The following PPARGC1A variants were observed in gnomAD, a reference collection of about 807,000 sequenced individuals.
The protein encoded by PPARGC1A is peroxisome proliferator-activated receptor gamma coactivator 1-alpha.
A neutral mutation model predicts 88.7 loss-of-function variants in PPARGC1A; 25 were observed. The ratio of observed to expected loss-of-function variants is 0.28; its 90% confidence interval spans 0.21 to 0.39. PPARGC1A has a LOEUF of 0.39. Among genes scored for constraint, PPARGC1A ranks in the 10% least tolerant of loss-of-function variants. The pLI, the probability that PPARGC1A is intolerant of heterozygous loss-of-function variation, is 1.00. For missense variants in PPARGC1A, 880 were observed against 968.7 expected, an observed-to-expected ratio of 0.91 and a Z score of 1.22; for synonymous variants, 363 against 355.6, an observed-to-expected ratio of 1.02 and a Z score of -0.24.
chr4:24,350,001 T>C, the PPARGC1A span, among the ~76,000 whole-genome samples: 2 of 152,150 alleles, frequency 1.3e-5, no homozygotes, highest in South Asian at 4.1e-4. Context: ...TACCCCTGTA[T>C]TTTGCTCAGC....
At chr4:24,155,196 G>A in the PPARGC1A span, among the ~76,000 whole-genome samples, 1 of 151,394 alleles carries the variant, frequency 6.6e-6, no homozygotes, top group South Asian at 2.1e-4. Context: ...ATATGATAAT[G>A]TATTTTAAAT....
the PPARGC1A span, among the ~76,000 whole-genome samples, chr4:24,196,939 A>G: frequency 6.6e-6 from 1 of 152,328 alleles, no homozygotes; most frequent in East Asian, 1.9e-4. Context: ...GGAGTCAATG[A>G]ACTATAAGCA....
At chr4:24,000,606 T>A in the PPARGC1A span, among the ~76,000 whole-genome samples, 3 of 152,138 alleles carry the variant, frequency 2.0e-5, no homozygotes, top group Non-Finnish European at 4.4e-5. Context: ...GTGACAGAAA[T>A]AAATCACTGT....
At chr4:23,985,655 G>A in the PPARGC1A span, among the ~76,000 whole-genome samples, 4 of 151,826 alleles carry the variant, frequency 2.6e-5, no homozygotes, top group East Asian at 7.7e-4. Flanking sequence ...ATTTGACAAT[G>A]GAGCAAAACA....
the PPARGC1A span, among the ~76,000 whole-genome samples, chr4:24,154,468 A>G: frequency 6.6e-6 from 1 of 152,252 alleles, no homozygotes; most frequent in Non-Finnish European, 1.5e-5. Context: ...TTGAGAAAAC[A>G]TAGGAAAAAA....
the PPARGC1A span, among the ~76,000 whole-genome samples, chr4:24,145,646 A>C: frequency 8.8e-4 from 134 of 152,318 alleles, 1 homozygote; most frequent in East Asian, 0.019. Flanking sequence ...AAATCACCTC[A>C]TTCTTCTAGG....
the PPARGC1A span, among the ~76,000 whole-genome samples, chr4:24,305,133 G>GTATATATATATATATATATATA: frequency 7.0e-6 from 1 of 142,896 alleles, no homozygotes; most frequent in African/African-American, 2.6e-5. Flanking sequence ...ATATGTGTAT[G>GTATATATATATATATATATATA]TATATATATA....
In PPARGC1A at chr4:23,829,397, G is replaced by C; in HGVS notation, c.552+66C>G. On this transcript the variant is annotated intron_variant, in intron 4 of 12. Transcript: ENST00000264867. Reference sequence around the variant, plus strand: ...TGAATTAATACCTACAAACTTATTTGTTTTACTGCTTCAAGCCAAAATCCT... The same window carrying C: ...TGAATTAATACCTACAAACTTATTTCTTTTACTGCTTCAAGCCAAAATCCT... The C allele has an allele frequency of 2.6e-6, 4 of 1,542,820 alleles. No individual in the cohort carries two copies. In the East Asian group the frequency reaches 9.0e-5, roughly 35 times the overall value.
chr4:23,843,441 T>G (rs1727424218), intron 2 of PPARGC1A, among the ~76,000 whole-genome samples: 1 of 152,092 alleles, frequency 6.6e-6, no homozygotes, highest in Admixed American at 6.6e-5. Context: ...CAGAACTGAC[T>G]GAGCTAATCC....
chr4:24,063,303 A>C, the PPARGC1A span, among the ~76,000 whole-genome samples: 4 of 152,196 alleles, frequency 2.6e-5, no homozygotes, highest in South Asian at 6.2e-4. Flanking sequence ...AGAGGGGAAT[A>C]AAAGTCAGAG....
At chr4:24,232,189 G>A in the PPARGC1A span, among the ~76,000 whole-genome samples, 1 of 148,484 alleles carries the variant, frequency 6.7e-6, no homozygotes, top group South Asian at 2.2e-4. Context: ...TTGAGAGAGG[G>A]ACAGGAAGGA....
the PPARGC1A span, among the ~76,000 whole-genome samples, chr4:24,245,218 T>C: frequency 5.9e-5 from 9 of 152,200 alleles, no homozygotes; most frequent in Admixed American, 2.6e-4. Flanking sequence ...TTAATGGGAA[T>C]TGAAGTGATC....
At chr4:24,092,247 C>T in the PPARGC1A span, among the ~76,000 whole-genome samples, 1 of 152,050 alleles carries the variant, frequency 6.6e-6, no homozygotes, top group Non-Finnish European at 1.5e-5. Context: ...TAGGCCTCAA[C>T]CCCTTTTCTA....
At chr4:24,234,926 A>G in the PPARGC1A span, among the ~76,000 whole-genome samples, 1 of 152,244 alleles carries the variant, frequency 6.6e-6, no homozygotes, top group African/African-American at 2.4e-5. Flanking sequence ...ACAAAACATC[A>G]CACTCTAGAG....
chr4:24,440,017 C>A, the PPARGC1A span, among the ~76,000 whole-genome samples: 2 of 152,206 alleles, frequency 1.3e-5, no homozygotes, highest in South Asian at 4.1e-4. Context: ...ATCTTTTAAT[C>A]CCTGTTCAAA....
In PPARGC1A at chr4:23,840,314, C is replaced by A. The variant is rs73802994; in HGVS notation, c.235-8563G>T. Reference sequence around the variant, plus strand: ...AATGTATGGTGGCCCTACACTTGGCCAACTTCATCTGACTCTGGCAACCCC... The same window carrying A: ...AATGTATGGTGGCCCTACACTTGGCAAACTTCATCTGACTCTGGCAACCCC... On this transcript the variant is annotated intron_variant, in intron 2 of 12. Transcript: ENST00000264867. 1.6e-3 allele frequency among the ~76,000 whole-genome samples: 242 copies of A among 152,168 alleles called. 1 individual carries two copies. Among genetic ancestry groups the A allele is most frequent in the African/African-American group, 5.6e-3 (234 of 41,516 alleles).
the PPARGC1A span, among the ~76,000 whole-genome samples, chr4:24,283,048 C>T: frequency 7.9e-5 from 12 of 152,198 alleles, no homozygotes; most frequent in African/African-American, 4.8e-5. Flanking sequence ...CCAACTCAGT[C>T]GCTGGCCCTC....
At chr4:23,810,051 C>G (rs1720598002) in intron 10 of PPARGC1A, among the ~76,000 whole-genome samples, 1 of 152,172 alleles carries the variant, frequency 6.6e-6, no homozygotes, top group South Asian at 2.1e-4. Flanking sequence ...AATTTTATAT[C>G]CCAACCAAAT....
the PPARGC1A span, among the ~76,000 whole-genome samples, chr4:24,307,036 A>T: frequency 6.6e-6 from 1 of 152,216 alleles, no homozygotes; most frequent in Non-Finnish European, 1.5e-5. Context: ...CTTAAGATTG[A>T]TGGGATATTC....
Sources: gnomAD v4.1 joint callset for allele counts (sites outside exome capture counted in the v4.1 genomes callset) on GRCh38, gnomAD v4.1.1 for gene constraint, MANE v1.5 for transcripts, NCBI Gene and HGNC (gene_info 2026-07-23, HGNC 2026-07-21) for gene names.